HGS: variants seen among roughly 807,000 people sequenced by gnomAD.
HGS encodes human growth factor-regulated tyrosine kinase substrate.
Under a neutral mutation model 109.7 loss-of-function variants are expected in HGS, and 63 were observed. That is an observed-to-expected ratio of 0.57 (90% CI 0.47 to 0.71). The LOEUF (loss-of-function observed/expected upper bound fraction) is 0.71, where lower values mean the gene tolerates loss of function less well. Ranked by LOEUF, HGS falls within the 30% of genes least tolerant of loss-of-function variation. HGS has a pLI of 0.00. For missense variants in HGS, 995 were observed against 1,068.3 expected, an observed-to-expected ratio of 0.93 and a Z score of 0.96; for synonymous variants, 546 against 437.3, an observed-to-expected ratio of 1.25 and a Z score of -3.10.
chr17:81,698,220 C>G (rs2037183780), intron 18 of HGS: 1 of 152,160 alleles, frequency 6.6e-6, no homozygotes, highest in Non-Finnish European at 1.5e-5. Context: ...TGAATTGAGC[C>G]CGGGAAGTGG....
chr17:81,688,202 G>A (rs11867435), intron 4 of HGS, among the ~76,000 whole-genome samples: 28,877 of 152,068 alleles, frequency 0.19, 2,884 homozygotes, highest in African/African-American at 0.26. Context: ...GCCAGGCTGC[G>A]CTCTAACCGG....
At chr17:81,685,720 GA>G (rs2036968604) in intron 2 of HGS, 31 bp downstream of exon 2, 5 of 1,578,576 alleles carry the variant, frequency 3.2e-6, no homozygotes, top group Admixed American at 1.7e-5. Flanking sequence ...CCCTGATGCG[GA>G]GGAGCAGCCG....
Position 81,700,496 on chromosome 17 carries a change from C to A in HGS, c.1912C>A (p.Pro638Thr). ...CAGCATGGTGAGTGCCTACATGTAC[C>A]CAGCAGGGGCCACTGGGGCGCAGGC... ...DPSMVSAYMY[P>T]AGATGAQAAP... The change falls in exon 19 of 22, where the codon CCA (proline) becomes ACA (threonine). Residue 638 changes from proline to threonine, a missense_variant. Physicochemically the swap from Pro to Thr is conservative, Grantham distance 38. Coordinates refer to ENST00000329138, the MANE Select transcript of HGS (RefSeq NM_004712.5). 1 of 1,600,804 alleles carries A rather than the reference C, an allele frequency of 6.2e-7. No individual in the cohort carries two copies. Among genetic ancestry groups the A allele is most frequent in the South Asian group, 1.1e-5 (1 of 89,398 alleles).
At chr17:81,696,567 G>A (rs772076758) in intron 16 of HGS, 38 bp downstream of exon 16, 2 of 1,556,212 alleles carry the variant, frequency 1.3e-6, no homozygotes, top group Non-Finnish European at 1.7e-6. Flanking sequence ...GGGCCGGCTG[G>A]GGGACCTCGC....
intron 18 of HGS, chr17:81,698,134 C>T (rs1279571023): frequency 1.3e-5 from 2 of 152,268 alleles, no homozygotes; most frequent in East Asian, 1.9e-4. Context: ...CCTGTCTCTA[C>T]TAAACATACA....
At chr17:81,687,977 C>T (rs1243897396) in intron 4 of HGS, among the ~76,000 whole-genome samples, 1 of 152,216 alleles carries the variant, frequency 6.6e-6, no homozygotes, top group East Asian at 1.9e-4. Flanking sequence ...TGCTCCTGAG[C>T]TCCTTCAGTC....
rs771508514 is a variant in HGS at position 81,694,850 on chromosome 17, T to G, written c.972T>G (p.Pro324=). Residue 324 remains proline, a synonymous_variant, in exon 12 of 22, where the codon CCT becomes CCG. Transcript: ENST00000329138. ...SSAPLAEDID[P]ELARYLNRNY... is the part of the protein sequence containing the mutation. ...CGCCTCTGGCTGAGGACATCGACCC[T>G]GAGGTAAGGCCCAGCATGGGGTGCA... 5 of 1,614,132 alleles carry G rather than the reference T, an allele frequency of 3.1e-6. No homozygotes were observed. Among genetic ancestry groups the G allele is most frequent in the Admixed American group, 1.7e-5 (1 of 60,012 alleles).
rs761137446 is a variant in HGS at position 81,685,601 on chromosome 17, T to C, written c.38-4T>C. The C allele has an allele frequency of 4.0e-5, 64 of 1,607,296 alleles. No homozygotes were observed. The highest frequency in any genetic ancestry group is 5.0e-5 in the Non-Finnish European group (59 of 1,176,694). ...CCTCCCTTTCATGGCATTTTCTCTCTCAGACAAGGCGACCAGCCAGCTCCT... is the reference window on the plus strand; with the variant it reads ...CCTCCCTTTCATGGCATTTTCTCTCCCAGACAAGGCGACCAGCCAGCTCCT... On this transcript the variant is annotated splice_region_variant and splice_polypyrimidine_tract_variant and intron_variant, in intron 1 of 21. Transcript: ENST00000329138.
Position 81,696,934 on chromosome 17 carries a change from C to T in HGS, c.1818C>T (p.Gly606=), listed in dbSNP as rs768321744. The T allele has an allele frequency of 2.6e-5, 41 of 1,606,890 alleles. No individual in the cohort carries two copies. The highest frequency in any genetic ancestry group is 3.2e-5 in the Non-Finnish European group (38 of 1,179,706). ...AGSVEGSPMH[G]VYMSQPAPAA... ...CGGTGGAGGGCTCCCCAATGCACGG[C>T]GTGTACATGAGCCAGCCGGCCCCTG... The change falls in exon 18 of 22, where the codon GGC becomes GGT. Residue 606 remains glycine (G), a synonymous_variant. Coordinates refer to ENST00000329138, the MANE Select transcript of HGS (RefSeq NM_004712.5).
chr17:81,696,512 A>T lies in HGS; in HGVS notation c.1549A>T (p.Met517Leu). 6.5e-7 allele frequency: 1 copy of T among 1,529,398 alleles called. No individual in the cohort carries two copies. 94.7% of individuals were successfully genotyped at this position (1,529,398 alleles called of 1,614,324 possible). Residue 517 changes from methionine to leucine, a missense_variant, in exon 16 of 22, where the codon ATG (methionine) becomes TTG (leucine). Coordinates refer to ENST00000329138, the MANE Select transcript of HGS (RefSeq NM_004712.5). ...QIQLAQKLEI[M>L]RQKKQEYLEV... Reference sequence around the variant, plus strand: ...CCAGCTGGCCCAGAAGCTGGAGATAATGCGGCAGAAGAAGCAGGTGCAGTG... The same window carrying T: ...CCAGCTGGCCCAGAAGCTGGAGATATTGCGGCAGAAGAAGCAGGTGCAGTG...
chr17:81,696,934 C>A lies in HGS; in HGVS notation c.1818C>A (p.Gly606=), dbSNP rs768321744. Residue 606 remains glycine (G), a synonymous_variant, in exon 18 of 22, where the codon GGC becomes GGA. Transcript: ENST00000329138. ...AGSVEGSPMH[G]VYMSQPAPAA... ...CGGTGGAGGGCTCCCCAATGCACGGCGTGTACATGAGCCAGCCGGCCCCTG... is the reference window on the plus strand; with the variant it reads ...CGGTGGAGGGCTCCCCAATGCACGGAGTGTACATGAGCCAGCCGGCCCCTG... 6.2e-7 allele frequency: 1 copy of A among 1,607,006 alleles called. No homozygotes were observed. Among genetic ancestry groups the A allele is most frequent in the East Asian group, 2.2e-5 (1 of 44,872 alleles).
chr17:81,701,818 C>G lies in HGS; in HGVS notation c.*200C>G. 1.3e-6 allele frequency: 1 copy of G among 752,550 alleles called. No individual in the cohort carries two copies. 46.6% of individuals were successfully genotyped at this position (752,550 alleles called of 1,614,324 possible). A position where few individuals can be genotyped will look rare whatever the true frequency, so the allele number is the denominator to read the frequency against. On this transcript the variant is annotated 3_prime_UTR_variant, in exon 22 of 22. Coordinates refer to ENST00000329138, the MANE Select transcript of HGS (RefSeq NM_004712.5). ...CCCTGAGTTAGTCTCTGCTTTCTTTCCCCAGGGCTGGGCCATGGGGAGGGA... is the reference window on the plus strand; with the variant it reads ...CCCTGAGTTAGTCTCTGCTTTCTTTGCCCAGGGCTGGGCCATGGGGAGGGA...
rs762812031 is a variant in HGS at position 81,693,590 on chromosome 17, C to T, written c.741+9C>T. 1 of 1,573,928 alleles carries T rather than the reference C, an allele frequency of 6.4e-7. No individual in the cohort carries two copies. Among genetic ancestry groups the T allele is most frequent in the South Asian group, 1.1e-5 (1 of 88,014 alleles). On this transcript the variant is annotated intron_variant, in intron 9 of 21. Transcript: ENST00000329138. ...TGTCTCAGCAGTCCCAGGTACTCAGCCCCCTCCGTCCCGTGGGCACCTCTT... is the reference window on the plus strand; with the variant it reads ...TGTCTCAGCAGTCCCAGGTACTCAGTCCCCTCCGTCCCGTGGGCACCTCTT...
At chr17:81,690,875 T>C (rs1006474739) in intron 7 of HGS, 133 bp downstream of exon 7, 16 of 699,116 alleles carry the variant, frequency 2.3e-5, no homozygotes, top group Non-Finnish European at 3.5e-5. Flanking sequence ...TCGCAGCGGG[T>C]GGCAGTGTGG....
Position 81,693,527 on chromosome 17 carries a change from C to T in HGS, c.687C>T (p.Ser229=), listed in dbSNP as rs141798608. ...LNRKAEGKAT[S]TTELPPEYLT... ...GGAAAGCGGAGGGAAAGGCCACTTC[C>T]ACCACTGAGCTGCCCCCCGAGTACC... is the stretch of plus-strand genomic sequence containing the variant. The change falls in exon 9 of 22, where the codon TCC becomes TCT. Residue 229 remains serine (S), a synonymous_variant. Transcript: ENST00000329138. 5.0e-6 allele frequency: 8 copies of T among 1,613,188 alleles called. No individual in the cohort carries two copies. The highest frequency in any genetic ancestry group is 6.8e-6 in the Non-Finnish European group (8 of 1,179,736).
Position 81,695,041 on chromosome 17 carries a change from C to G in HGS, c.1093C>G (p.His365Asp), listed in dbSNP as rs1167005135. 1.2e-6 allele frequency: 2 copies of G among 1,613,666 alleles called. No homozygotes were observed. Among genetic ancestry groups the G allele is most frequent in the Non-Finnish European group, 1.7e-6 (2 of 1,179,702 alleles). Residue 365 changes from histidine (H) to aspartate (D), a missense_variant, in exon 13 of 22, where the codon CAC becomes GAC. By Grantham distance (81) the His-to-Asp change is moderately conservative. Coordinates refer to ENST00000329138, the MANE Select transcript of HGS (RefSeq NM_004712.5). Reference sequence around the variant, plus strand: ...GCCGGCTGCACAGCCTGGGGAAGGGCACGCAGCCCCCACCAACGTGGTGGA... The same window carrying G: ...GCCGGCTGCACAGCCTGGGGAAGGGGACGCAGCCCCCACCAACGTGGTGGA... The part of the protein sequence containing the change: ...TEPAAQPGEG[H>D]AAPTNVVENP...
In HGS at chr17:81,693,589, G is replaced by A. The variant is rs1568215851; in HGVS notation, c.741+8G>A. On this transcript the variant is annotated splice_region_variant and intron_variant, in intron 9 of 21. Transcript: ENST00000329138. ...CTGTCTCAGCAGTCCCAGGTACTCA[G>A]CCCCCTCCGTCCCGTGGGCACCTCT... 6.3e-7 allele frequency: 1 copy of A among 1,586,828 alleles called. No individual in the cohort carries two copies.
At chr17:81,698,382 T>C (rs6565621) in intron 18 of HGS, 38,477 of 152,020 alleles carry the variant, frequency 0.25, 5,275 homozygotes, top group African/African-American at 0.37. Context: ...TTCTCGGCCT[T>C]CCAAAGTGCT....
chr17:81,684,192 G>A, intron 1 of HGS, 89 bp downstream of exon 1: 3 of 1,172,884 alleles, frequency 2.6e-6, no homozygotes, highest in Non-Finnish European at 3.3e-6. Context: ...GGCCCGAGGG[G>A]CGCGGACCGG....
Sources: allele counts gnomAD v4.1 joint callset (sites outside exome capture counted in the v4.1 genomes callset), GRCh38; gene constraint gnomAD v4.1.1; transcripts MANE v1.5; gene names NCBI Gene and HGNC (gene_info 2026-07-23, HGNC 2026-07-21).